The following ASTN2 variants were observed in gnomAD, a reference collection of about 807,000 sequenced individuals.
ASTN2 encodes the protein astrotactin-2.
Under a neutral mutation model 139.8 loss-of-function variants are expected in ASTN2, and 54 were observed. The observed-to-expected ratio is 0.39, with a 90% confidence interval of 0.31 to 0.48. The LOEUF (loss-of-function observed/expected upper bound fraction) is 0.48, where lower values mean the gene tolerates loss of function less well. Ranked by LOEUF, ASTN2 falls within the 20% of genes least tolerant of loss-of-function variation. The probability of loss-of-function intolerance (pLI) is 0.95; values close to 1 mark genes in which losing one functional copy is unlikely to be tolerated. For missense variants in ASTN2, 1,565 were observed against 1,725.1 expected (o/e 0.91, Z 1.64); for synonymous variants, 756 against 719.5 (o/e 1.05, Z -0.81).
At chr9:116,961,116 C>T (rs916549118) in intron 10 of ASTN2, among the ~76,000 whole-genome samples, 2 of 152,170 alleles carry the variant, frequency 1.3e-5, no homozygotes, top group African/African-American at 2.4e-5. Flanking sequence ...TTTGCTAGAA[C>T]TGGCAGGGAT....
rs561765298 is a variant in ASTN2 at position 116,424,317 on chromosome 9, G to C, written c.*1534C>G. ...AATGACAATGGCACCCCTCTCTTTG[G>C]GGCCTTCTCCAATCCATCCTTCACC... On this transcript the variant is annotated 3_prime_UTR_variant, in exon 23 of 23. Coordinates refer to ENST00000313400, the MANE Select transcript of ASTN2 (RefSeq NM_001365068.1). 6.6e-6 allele frequency among the ~76,000 whole-genome samples: 1 copy of C among 152,134 alleles called. No homozygotes were observed. The highest frequency in any genetic ancestry group is 1.9e-4 in the East Asian group (1 of 5,178).
chr9:116,822,364 C>A (rs976002146), intron 11 of ASTN2, among the ~76,000 whole-genome samples: 3 of 152,144 alleles, frequency 2.0e-5, no homozygotes, highest in African/African-American at 7.2e-5. Flanking sequence ...TATAAAACTG[C>A]TGCATTTTGT....
chr9:116,622,391 G>T (rs1188934758), intron 17 of ASTN2, among the ~76,000 whole-genome samples: 1 of 151,940 alleles, frequency 6.6e-6, no homozygotes, highest in Non-Finnish European at 1.5e-5. Flanking sequence ...ATGACCCAAA[G>T]AAATAAAAAA....
chr9:117,026,179 G>C (rs1057402079), intron 6 of ASTN2, among the ~76,000 whole-genome samples: 2 of 151,934 alleles, frequency 1.3e-5, no homozygotes, highest in African/African-American at 2.4e-5. Context: ...TCGGGATGCT[G>C]GTGCTTCAGC....
At chr9:117,044,235 A>G (rs919681495) in intron 5 of ASTN2, among the ~76,000 whole-genome samples, 9 of 152,338 alleles carry the variant, frequency 5.9e-5, no homozygotes, top group Admixed American at 5.9e-4. Flanking sequence ...TAGAAGCAGA[A>G]GACAAAAAGA....
At chr9:117,207,963 C>T (rs1831992285) in intron 3 of ASTN2, among the ~76,000 whole-genome samples, 1 of 152,156 alleles carries the variant, frequency 6.6e-6, no homozygotes, top group Non-Finnish European at 1.5e-5. Context: ...TCCAGGACAG[C>T]ACAACACACC....
intron 5 of ASTN2, among the ~76,000 whole-genome samples, chr9:117,087,571 A>C (rs552982010): frequency 1.3e-5 from 2 of 152,184 alleles, no homozygotes; most frequent in Non-Finnish European, 2.9e-5. Flanking sequence ...AAGCTGGTAC[A>C]TTAGAAAGAG....
intron 19 of ASTN2, among the ~76,000 whole-genome samples, chr9:116,533,049 G>C (rs182784767): frequency 1.2e-3 from 179 of 152,294 alleles, no homozygotes; most frequent in African/African-American, 4.1e-3. Flanking sequence ...GCAGTGGTTT[G>C]TAGTTATCCT....
chr9:117,263,861 G>A (rs532951185), intron 2 of ASTN2, among the ~76,000 whole-genome samples: 36 of 152,052 alleles, frequency 2.4e-4, no homozygotes, highest in African/African-American at 7.7e-4. Context: ...GGTGGGACAC[G>A]TTTATTGATG....
chr9:116,679,992 A>G (rs1378339722), intron 16 of ASTN2, among the ~76,000 whole-genome samples: 1 of 152,180 alleles, frequency 6.6e-6, no homozygotes, highest in African/African-American at 2.4e-5. Context: ...ACACATTCAA[A>G]AGCTAGCAGA....
At chr9:116,691,421 G>A (rs1038346773) in intron 16 of ASTN2, among the ~76,000 whole-genome samples, 1 of 152,030 alleles carries the variant, frequency 6.6e-6, no homozygotes, top group African/African-American at 2.4e-5. Context: ...AGTCTTTCTA[G>A]GTCCTGCAGT....
chr9:117,011,285 A>G (rs980598904), intron 6 of ASTN2, among the ~76,000 whole-genome samples: 2 of 152,134 alleles, frequency 1.3e-5, no homozygotes, highest in Non-Finnish European at 2.9e-5. Context: ...CTAATCCCCA[A>G]TGTGGTGATA....
At chr9:116,983,287 G>T (rs973197548) in intron 7 of ASTN2, among the ~76,000 whole-genome samples, 1 of 152,164 alleles carries the variant, frequency 6.6e-6, no homozygotes, top group African/African-American at 2.4e-5. Flanking sequence ...AGTGGGAAAA[G>T]TATGGGTTGG....
At chr9:116,717,228 G>A (rs1828335443) in intron 16 of ASTN2, among the ~76,000 whole-genome samples, 1 of 152,170 alleles carries the variant, frequency 6.6e-6, no homozygotes, top group East Asian at 1.9e-4. Flanking sequence ...ATTATTCTTG[G>A]TATGCACCAA....
chr9:117,210,273 T>C (rs559351092), intron 3 of ASTN2, among the ~76,000 whole-genome samples: 4 of 151,628 alleles, frequency 2.6e-5, no homozygotes, highest in African/African-American at 7.3e-5. Flanking sequence ...TTTTAAAAGA[T>C]AAACAAAATT....
chr9:116,703,644 T>C (rs1226705277), intron 16 of ASTN2, among the ~76,000 whole-genome samples: 1 of 151,176 alleles, frequency 6.6e-6, no homozygotes, highest in Non-Finnish European at 1.5e-5. Context: ...AGTTAGTGGG[T>C]GCAGCGCACC....
intron 1 of ASTN2, among the ~76,000 whole-genome samples, chr9:117,387,782 G>A (rs535075964): frequency 6.6e-6 from 1 of 152,224 alleles, no homozygotes; most frequent in Non-Finnish European, 1.5e-5. Flanking sequence ...GTGGGTTGTG[G>A]CATGCAGAGC....
intron 10 of ASTN2, among the ~76,000 whole-genome samples, chr9:116,914,770 G>A (rs1199492803): frequency 6.6e-6 from 1 of 151,892 alleles, no homozygotes; most frequent in African/African-American, 2.4e-5. Flanking sequence ...ACCTCCTAAG[G>A]CAGAGCACTC....
At chr9:116,929,104 T>C (rs1350339971) in intron 10 of ASTN2, among the ~76,000 whole-genome samples, 1 of 152,182 alleles carries the variant, frequency 6.6e-6, no homozygotes, top group Non-Finnish European at 1.5e-5. Flanking sequence ...ATGTCAGTGT[T>C]GGAAAGGACT....
Sources: gnomAD v4.1 joint callset for allele counts (sites outside exome capture counted in the v4.1 genomes callset) on GRCh38, gnomAD v4.1.1 for gene constraint, MANE v1.5 for transcripts, NCBI Gene and HGNC (gene_info 2026-07-23, HGNC 2026-07-21) for gene names.